RALYL: variants seen among roughly 807,000 people sequenced by gnomAD.
RALYL encodes the protein RALY RNA binding protein like, also known as RNA-binding Raly-like protein.
Under a neutral mutation model 35.1 loss-of-function variants are expected in RALYL, and 29 were observed. The ratio of observed to expected loss-of-function variants is 0.83; its 90% confidence interval spans 0.61 to 1.13. The LOEUF is 1.13. Among genes scored for constraint, RALYL ranks in the 50% most tolerant of loss-of-function variants. The pLI is 0.00. For synonymous variants in RALYL, 120 were observed against 127.6 expected (o/e 0.94, Z 0.40); for missense variants, 359 against 360.4 (o/e 1.00, Z 0.03).
At chr8:84,412,583 TCCATTTTTATTCCTTTA>T (rs1385446864) in intron 1 of RALYL, among the ~76,000 whole-genome samples, 1 of 151,958 alleles carries the variant, frequency 6.6e-6, no homozygotes, top group Non-Finnish European at 1.5e-5. Flanking sequence ...ATACTGAGGT[TCCATTTTTATTCCTTTA>T]ATAGCTTCCT....
At chr8:84,823,027 G>T (rs1392121617) in intron 4 of RALYL, among the ~76,000 whole-genome samples, 1 of 152,122 alleles carries the variant, frequency 6.6e-6, no homozygotes, top group East Asian at 1.9e-4. Flanking sequence ...GTAAAGCAGT[G>T]CCAATCAATG....
At chr8:84,853,882 T>C (rs1163012193) in intron 5 of RALYL, among the ~76,000 whole-genome samples, 2 of 152,184 alleles carry the variant, frequency 1.3e-5, no homozygotes, top group African/African-American at 4.8e-5. Context: ...TTGGGCAAGT[T>C]AGTTAATATC....
chr8:84,452,816 C>T (rs2049657081), intron 1 of RALYL, among the ~76,000 whole-genome samples: 1 of 151,752 alleles, frequency 6.6e-6, no homozygotes, highest in Non-Finnish European at 1.5e-5. Context: ...TAAAAATATC[C>T]AAAAGAAAGT....
chr8:84,470,902 C>G (rs1418614063), intron 1 of RALYL, among the ~76,000 whole-genome samples: 1 of 152,180 alleles, frequency 6.6e-6, no homozygotes, highest in African/African-American at 2.4e-5. Context: ...TAATCACAAT[C>G]ATTTAAATAG....
intron 2 of RALYL, among the ~76,000 whole-genome samples, chr8:84,689,059 T>G (rs1837445487): frequency 6.6e-6 from 1 of 151,884 alleles, no homozygotes; most frequent in Non-Finnish European, 1.5e-5. Context: ...CACATTGGAA[T>G]GACTTTTTTT....
chr8:84,573,520 C>T (rs1488877578), intron 2 of RALYL, among the ~76,000 whole-genome samples: 9 of 151,668 alleles, frequency 5.9e-5, no homozygotes, highest in Non-Finnish European at 3.0e-5. Context: ...TTAGAAAATA[C>T]TTTGGTATCG....
chr8:84,355,578 TC>T (rs1454474746), intron 1 of RALYL, among the ~76,000 whole-genome samples: 6 of 150,414 alleles, frequency 4.0e-5, no homozygotes, highest in Admixed American at 2.0e-4. Context: ...ACCAATATGG[TC>T]AAATTTGTAT....
At chr8:84,749,760 A>G (rs1809511727) in intron 2 of RALYL, among the ~76,000 whole-genome samples, 1 of 152,208 alleles carries the variant, frequency 6.6e-6, no homozygotes, top group Admixed American at 6.5e-5. Flanking sequence ...CAGATGTATC[A>G]CTTACAGATA....
At chr8:84,846,341 A>G (rs1477129818) in intron 4 of RALYL, among the ~76,000 whole-genome samples, 1 of 152,170 alleles carries the variant, frequency 6.6e-6, no homozygotes, top group East Asian at 1.9e-4. Flanking sequence ...CTCCTTGTAG[A>G]GATCTTTCAC....
intron 6 of RALYL, among the ~76,000 whole-genome samples, chr8:84,870,308 G>C (rs550240495): frequency 1.3e-5 from 2 of 150,934 alleles, no homozygotes; most frequent in African/African-American, 4.9e-5. Context: ...ACCCAGGCTG[G>C]TGTGCAGTGG....
intron 1 of RALYL, among the ~76,000 whole-genome samples, chr8:84,513,697 G>A (rs750728313): frequency 2.0e-5 from 3 of 151,698 alleles, no homozygotes; most frequent in South Asian, 2.1e-4. Flanking sequence ...GTTTCCTATT[G>A]TTAATCACTA....
chr8:84,439,099 AT>A (rs549296421), intron 1 of RALYL, among the ~76,000 whole-genome samples: 9 of 150,030 alleles, frequency 6.0e-5, no homozygotes, highest in Non-Finnish European at 8.9e-5. Flanking sequence ...TTAATTTTAG[AT>A]TTTTTTTTTA....
chr8:84,430,785 T>A (rs1255249410), intron 1 of RALYL, among the ~76,000 whole-genome samples: 1 of 152,142 alleles, frequency 6.6e-6, no homozygotes, highest in Non-Finnish European at 1.5e-5. Flanking sequence ...TTACTAACAT[T>A]CAAAGCAGAT....
intron 2 of RALYL, among the ~76,000 whole-genome samples, chr8:84,559,396 AT>A (rs1473878741): frequency 2.0e-5 from 3 of 152,194 alleles, no homozygotes; most frequent in Admixed American, 6.6e-5. Flanking sequence ...TCTTAGGATA[AT>A]CTCAAAAAGC....
intron 1 of RALYL, among the ~76,000 whole-genome samples, chr8:84,451,836 A>G (rs549226241): frequency 9.3e-4 from 142 of 152,118 alleles, no homozygotes; most frequent in African/African-American, 3.2e-3. Context: ...GGCATTACTT[A>G]TTCCCATTTG....
intron 8 of RALYL, among the ~76,000 whole-genome samples, chr8:84,890,086 T>C: frequency 6.6e-6 from 1 of 152,326 alleles, no homozygotes; most frequent in East Asian, 1.9e-4. Context: ...TACAATGTTT[T>C]TCATCACACA....
At chr8:84,373,719 A>G (rs1276703791) in intron 1 of RALYL, among the ~76,000 whole-genome samples, 12 of 152,010 alleles carry the variant, frequency 7.9e-5, no homozygotes, top group Non-Finnish European at 1.5e-5. Flanking sequence ...ATGGATTCAT[A>G]TTAATTTTAA....
chr8:84,320,560 A>C (rs1421944075), intron 1 of RALYL, among the ~76,000 whole-genome samples: 3 of 152,034 alleles, frequency 2.0e-5, no homozygotes, highest in African/African-American at 7.2e-5. Flanking sequence ...TAACACAATT[A>C]AATGCAAATA....
chr8:84,909,365 CTAAT>C (rs1847124908), intron 8 of RALYL, among the ~76,000 whole-genome samples: 1 of 152,050 alleles, frequency 6.6e-6, no homozygotes, highest in African/African-American at 2.4e-5. Context: ...CTCAACATTC[CTAAT>C]TAATACCATA....
Sources: allele counts gnomAD v4.1 joint callset (sites outside exome capture counted in the v4.1 genomes callset), GRCh38; gene constraint gnomAD v4.1.1; transcripts MANE v1.5; gene names NCBI Gene and HGNC (gene_info 2026-07-23, HGNC 2026-07-21).